Variants in METTL15 observed in about 807,000 individuals in gnomAD.
METTL15 encodes 12S rRNA N(4)-cytidine methyltransferase METTL15.
In METTL15, 34 loss-of-function variants were observed where a neutral mutation model predicts 38.3. The ratio of observed to expected loss-of-function variants is 0.89; its 90% CI spans 0.68 to 1.18. METTL15 has a LOEUF of 1.18. Ranked by LOEUF, METTL15 falls within the 50% of genes most tolerant of loss-of-function variation. METTL15 has a pLI of 0.00. For missense variants in METTL15, 438 were observed against 498.4 expected, an observed-to-expected ratio of 0.88 and a Z score of 1.15; for synonymous variants, 162 against 170.9, an observed-to-expected ratio of 0.95 and a Z score of 0.41.
intron 3 of METTL15, among the ~76,000 whole-genome samples, chr11:28,183,004 A>T (rs1851350208): frequency 6.6e-6 from 1 of 151,838 alleles, no homozygotes; most frequent in African/African-American, 2.4e-5. Context: ...TAGGTATTTT[A>T]TTCTCTTAGT....
At chr11:28,291,026 G>A (rs1465718226) in intron 5 of METTL15, among the ~76,000 whole-genome samples, 1 of 150,846 alleles carries the variant, frequency 6.6e-6, no homozygotes, top group African/African-American at 2.4e-5. Flanking sequence ...TCATATTCTA[G>A]GAAAGTGTAG....
At chr11:28,193,325 A>G (rs1851769491) in intron 3 of METTL15, among the ~76,000 whole-genome samples, 1 of 152,088 alleles carries the variant, frequency 6.6e-6, no homozygotes, top group East Asian at 1.9e-4. Flanking sequence ...GCTGGGGAGA[A>G]CTCAGGAAAC....
chr11:28,113,598 A>G lies in METTL15; in HGVS notation c.264A>G (p.Lys88=), dbSNP rs1326245633. 2 of 1,603,550 alleles carry G rather than the reference A, an allele frequency of 1.2e-6. No individual in the cohort carries two copies. The highest frequency in any genetic ancestry group is 1.7e-6 in the Non-Finnish European group (2 of 1,175,256). The change falls in exon 3 of 7, where the codon AAA becomes AAG. Residue 88 remains lysine (K), a synonymous_variant. Transcript: ENST00000407364. ...DEVVHCLSPQ[K]GQIFLDMTFG... ...TTGTTCATTGTTTGTCACCACAAAA[A>G]GGACAGGTGAGTTGAATTTTTATTT...
chr11:28,158,749 G>A (rs1418967462), intron 3 of METTL15, among the ~76,000 whole-genome samples: 1 of 152,102 alleles, frequency 6.6e-6, no homozygotes, highest in Non-Finnish European at 1.5e-5. Context: ...GTGCAGCAGT[G>A]GGCTCATGCT....
intron 6 of METTL15, among the ~76,000 whole-genome samples, chr11:28,475,806 C>G (rs1851341784): frequency 6.6e-6 from 1 of 152,198 alleles, no homozygotes; most frequent in Admixed American, 6.5e-5. Flanking sequence ...CTCAGTTACC[C>G]TCTTTTTACA....
intron 5 of METTL15, among the ~76,000 whole-genome samples, chr11:28,418,010 A>G (rs1850787967): frequency 6.6e-6 from 1 of 152,150 alleles, no homozygotes; most frequent in African/African-American, 2.4e-5. Flanking sequence ...AATAGAGCCT[A>G]TTGAGTGCAG....
rs1488922097 is a variant in METTL15 at position 28,268,481 on chromosome 11, T to A, written c.408-21725T>A. Among the ~76,000 whole-genome samples the A allele has an allele frequency of 2.0e-5, 3 of 152,158 alleles. No homozygotes were observed. The East Asian group carries it at 5.8e-4, about 29-fold the overall frequency. The stretch of plus-strand genomic sequence containing the variant: ...GATTGTACATTGTGTTTGATGGAAT[T>A]GTTCAAGCTGTGTAAGATCTAATTT... On this transcript the variant is annotated intron_variant, in intron 4 of 6. Transcript: ENST00000407364.
chr11:28,123,964 T>C, intron 3 of METTL15: 2 of 1,007,784 alleles, frequency 2.0e-6, no homozygotes, highest in Non-Finnish European at 2.7e-6. Flanking sequence ...AATAACAACA[T>C]AGAGTTGTAT....
intron 5 of METTL15, among the ~76,000 whole-genome samples, chr11:28,402,572 G>A (rs777645261): frequency 1.3e-5 from 2 of 151,804 alleles, no homozygotes; most frequent in Non-Finnish European, 2.9e-5. Context: ...TATGGCTCTT[G>A]CTTCTGGACC....
intron 3 of METTL15, among the ~76,000 whole-genome samples, chr11:28,121,062 A>C (rs1012598963): frequency 6.6e-6 from 1 of 152,130 alleles, no homozygotes; most frequent in African/African-American, 2.4e-5. Context: ...TTATTTTAAA[A>C]TGTACAATAA....
At chr11:28,380,708 A>G (rs919426844) in intron 5 of METTL15, among the ~76,000 whole-genome samples, 1 of 152,188 alleles carries the variant, frequency 6.6e-6, no homozygotes, top group Non-Finnish European at 1.5e-5. Flanking sequence ...ATAAAAAGTT[A>G]TGTTTAAAAG....
chr11:28,530,524 A>G (rs192554623), downstream of METTL15, among the ~76,000 whole-genome samples: 11 of 152,206 alleles, frequency 7.2e-5, no homozygotes, highest in African/African-American at 2.6e-4. Flanking sequence ...ACTGTTTCCA[A>G]AAAAGAAAGC....
chr11:28,355,316 C>A (rs1489057797), intron 4 of METTL15, among the ~76,000 whole-genome samples: 21 of 152,126 alleles, frequency 1.4e-4, no homozygotes, highest in Non-Finnish European at 2.8e-4. Flanking sequence ...TTTTTCTAGG[C>A]CCAATCAATC....
chr11:28,154,499 A>G (rs1445387027), intron 3 of METTL15, among the ~76,000 whole-genome samples: 3 of 152,142 alleles, frequency 2.0e-5, no homozygotes, highest in African/African-American at 7.2e-5. Context: ...AACTGATTTT[A>G]GTAGAATAAA....
chr11:28,203,103 G>A (rs562150023), intron 3 of METTL15, among the ~76,000 whole-genome samples: 2 of 152,172 alleles, frequency 1.3e-5, no homozygotes, highest in African/African-American at 4.8e-5. Flanking sequence ...AGGTATGAAA[G>A]TATAGAGCTA....
intron 3 of METTL15, among the ~76,000 whole-genome samples, chr11:28,341,189 A>C (rs7394692): frequency 0.46 from 70,173 of 151,886 alleles, 17,746 homozygotes; most frequent in Admixed American, 0.56. Flanking sequence ...GGGCTAGGGG[A>C]GGGATAGCAT....
At position 28,176,523 on chromosome 11, in the gene METTL15, G is replaced by T. The variant is rs143351331; in HGVS notation, c.271-34539G>T. Among the ~76,000 whole-genome samples the T allele has an allele frequency of 1.2e-3, 175 of 152,160 alleles. No individual in the cohort carries two copies. In the East Asian group the frequency reaches 0.029, roughly 25 times the overall value. On this transcript the variant is annotated intron_variant, in intron 3 of 6. Transcript: ENST00000407364. ...AAAATTAGTACAGGAGTATAATAAG[G>T]GTTAAATCAGTTAATATTAGGAAAT...
At chr11:28,142,737 G>A (rs1044228203) in intron 3 of METTL15, among the ~76,000 whole-genome samples, 1 of 152,156 alleles carries the variant, frequency 6.6e-6, no homozygotes, top group Non-Finnish European at 1.5e-5. Context: ...AAAGCTGTGG[G>A]AATTCATTGA....
At chr11:28,244,390 T>G (rs1854427526) in intron 4 of METTL15, among the ~76,000 whole-genome samples, 1 of 152,206 alleles carries the variant, frequency 6.6e-6, no homozygotes, top group Admixed American at 6.5e-5. Context: ...TAACATTCAT[T>G]TTGTATATTC....
Sources: allele counts gnomAD v4.1 joint callset (sites outside exome capture counted in the v4.1 genomes callset), GRCh38; gene constraint gnomAD v4.1.1; transcripts MANE v1.5; gene names NCBI Gene and HGNC (gene_info 2026-07-23, HGNC 2026-07-21).